NRL: variants seen among roughly 807,000 people sequenced by gnomAD.
NRL encodes the protein neural retina leucine zipper.
A neutral mutation model predicts 12.5 loss-of-function variants in NRL; 16 were observed. The ratio of observed to expected loss-of-function variants is 1.28; its 90% CI spans 0.87 to 1.95. The LOEUF is 1.95. NRL is among the 30% of genes most tolerant of loss of function. The pLI is 0.00. For synonymous variants in NRL, 142 were observed against 150.9 expected (o/e 0.94, Z 0.43); for missense variants, 314 against 325.8 (o/e 0.96, Z 0.28).
Position 24,081,276 on chromosome 14 carries a change from C to T in NRL, c.674G>A (p.Ser225Asn), listed in dbSNP as rs1208983854. ...GGAGGGGTCCCCGGACCCGGGGCCGCTCGAGGTTAGCCGGTCACAGCGAGC... is the reference window on the plus strand; with the variant it reads ...GGAGGGGTCCCCGGACCCGGGGCCGTTCGAGGTTAGCCGGTCACAGCGAGC... ...YKARCDRLTS[S>N]GPGSGDPSHL... Residue 225 changes from serine to asparagine, a missense_variant, in exon 3 of 3, where the codon AGC (serine) becomes AAC (asparagine). Physicochemically the swap from Ser to Asn is conservative, Grantham distance 46. Coordinates refer to ENST00000561028, the MANE Select transcript of NRL (RefSeq NM_001354768.3). This position sits in a 1 kb window ranked among gnomAD's most constrained non-coding sequence, Gnocchi z 4.4. 10 of 1,505,706 alleles carry T rather than the reference C, an allele frequency of 6.6e-6. No homozygotes were observed. The highest frequency in any genetic ancestry group is 8.9e-6 in the Non-Finnish European group (10 of 1,125,992). 93.3% of individuals were successfully genotyped at this position (1,505,706 alleles called of 1,614,324 possible). A position where few individuals can be genotyped will look rare whatever the true frequency, so the allele number is the denominator to read the frequency against.
chr14:24,094,464 G>A lies in NRL; in HGVS notation c.-27-11589C>T, dbSNP rs1173198410. 6.6e-7 allele frequency: 1 copy of A among 1,511,336 alleles called. No homozygotes were observed. Among genetic ancestry groups the A allele is most frequent in the South Asian group, 1.2e-5 (1 of 80,606 alleles). 93.6% of individuals were successfully genotyped at this position (1,511,336 alleles called of 1,614,324 possible). ...GTGACCCCCGGCCCGGGGCCCACCC[G>A]CACCTTCCGCTGCGCTCGCCCCCTC... On this transcript the variant is annotated intron_variant, in intron 1 of 2. Coordinates refer to ENST00000561028, the MANE Select transcript of NRL (RefSeq NM_001354768.3). This position sits in a 1 kb window ranked among gnomAD's most constrained non-coding sequence, Gnocchi z 4.1.
intron 1 of NRL, among the ~76,000 whole-genome samples, chr14:24,088,757 T>C (rs2036530877): frequency 6.6e-6 from 1 of 151,028 alleles, no homozygotes; most frequent in Non-Finnish European, 1.5e-5. Context: ...GTGATTCTCC[T>C]GGCTCAGCCT....
At position 24,082,602 on chromosome 14, in the gene NRL, C is replaced by G. The variant is rs1198995865; in HGVS notation, c.247G>C (p.Gly83Arg). Residue 83 changes from glycine (G) to arginine (R), a missense_variant, in exon 2 of 3, where the codon GGG (glycine) becomes CGG (arginine). Transcript: ENST00000561028. ...YWLATLQQQLGAGEALGLSPE... is the reference protein window; with the variant it reads ...YWLATLQQQLRAGEALGLSPE... ...CTCAGCCCCAATGCCTCCCCAGCCC[C>G]CAGCTGCTGCTGCAGGGTAGCCAGC... The G allele has an allele frequency of 6.2e-7, 1 of 1,613,888 alleles. No individual in the cohort carries two copies. The highest frequency in any genetic ancestry group is 8.5e-7 in the Non-Finnish European group (1 of 1,180,020).
Position 24,081,971 on chromosome 14 carries a change from C to T in NRL, c.382-403G>A, listed in dbSNP as rs892756532. On this transcript the variant is annotated intron_variant, in intron 2 of 2. Coordinates refer to ENST00000561028, the MANE Select transcript of NRL (RefSeq NM_001354768.3). The surrounding 1 kb of genome is among the most constrained non-coding windows in gnomAD (Gnocchi z 4.4). ...TGTCCTGAAGCCTGCAACCCGGTGA[C>T]CCTCACAGGATTTGGATTACATCCT... is the stretch of plus-strand genomic sequence containing the variant. 1 of 1,222,414 alleles carries T rather than the reference C, an allele frequency of 8.2e-7. No homozygotes were observed. The highest frequency in any genetic ancestry group is 2.2e-4 in the Middle Eastern group (1 of 4,496). 75.7% of individuals were successfully genotyped at this position (1,222,414 alleles called of 1,614,324 possible).
intron 1 of NRL, among the ~76,000 whole-genome samples, chr14:24,095,627 T>A (rs889455723): frequency 7.3e-5 from 11 of 151,220 alleles, no homozygotes; most frequent in African/African-American, 2.2e-4. Flanking sequence ...AAGCACGGGG[T>A]CACGTGGTCC....
At chr14:24,088,485 A>G (rs12885652) in intron 1 of NRL, among the ~76,000 whole-genome samples, 78,070 of 152,158 alleles carry the variant, frequency 0.51, 23,310 homozygotes, top group Non-Finnish European at 0.68. Flanking sequence ...CCAAAACTAC[A>G]TCCCCCTACA....
chr14:24,081,646 C>T lies in NRL; in HGVS notation c.382-78G>A, dbSNP rs2036309009. ...GCCCTGAGGGCCCGACGCTACCTGG[C>T]TCCGCCCCGGGACAGCCCCGCCCCG... On this transcript the variant is annotated intron_variant, in intron 2 of 2. Transcript: ENST00000561028. The surrounding 1 kb of genome is among the most constrained non-coding windows in gnomAD (Gnocchi z 4.4). The T allele has an allele frequency of 6.5e-7, 1 of 1,538,550 alleles. No homozygotes were observed. Among genetic ancestry groups the T allele is most frequent in the Non-Finnish European group, 8.8e-7 (1 of 1,142,050 alleles).
chr14:24,081,594 G>T lies in NRL; in HGVS notation c.382-26C>A, dbSNP rs750445329. The T allele has an allele frequency of 1.3e-5, 21 of 1,569,862 alleles. No homozygotes were observed. The highest frequency in any genetic ancestry group is 1.8e-5 in the Non-Finnish European group (21 of 1,159,114). On this transcript the variant is annotated intron_variant, in intron 2 of 2. Coordinates refer to ENST00000561028, the MANE Select transcript of NRL (RefSeq NM_001354768.3). The surrounding 1 kb of genome is among the most constrained non-coding windows in gnomAD (Gnocchi z 4.4). ...CTGCGGAGGGAGAATGCAGAAACCG[G>T]GTCAGCGCCAGGTCGCACCCGGCTC...
At chr14:24,089,061 C>T (rs1415230008) in intron 1 of NRL, among the ~76,000 whole-genome samples, 1 of 152,020 alleles carries the variant, frequency 6.6e-6, no homozygotes, top group Non-Finnish European at 1.5e-5. Context: ...GCCTCGGCCT[C>T]CCAAAGTGCT....
chr14:24,100,656 T>C, intron 1 of NRL: 3 of 885,954 alleles, frequency 3.4e-6, no homozygotes, highest in Non-Finnish European at 4.1e-6. Context: ...CCATAAAGTT[T>C]GGCCCATTAG....
At chr14:24,110,994 T>G (rs546712267) in intron 1 of NRL, among the ~76,000 whole-genome samples, 1 of 152,364 alleles carries the variant, frequency 6.6e-6, no homozygotes, top group Middle Eastern at 3.4e-3. Context: ...TTGTTGATTT[T>G]CTTTTAGAGA....
chr14:24,103,383 T>C lies in NRL; in HGVS notation c.-28+11339A>G, dbSNP rs918033770. The C allele has an allele frequency of 3.5e-6, 4 of 1,158,400 alleles. No homozygotes were observed. The Admixed American group carries it at 8.1e-5, about 23-fold the overall frequency. The allele number at this position is 1,158,400 out of a possible 1,614,324, so 71.8% of individuals were successfully genotyped here. On this transcript the variant is annotated intron_variant, in intron 1 of 2. Coordinates refer to ENST00000561028, the MANE Select transcript of NRL (RefSeq NM_001354768.3). ...ATGGCCCCACCTCTTCCCACTTCTATCTTTTCCCCATCCCTGAAGATATTC... is the reference window on the plus strand; with the variant it reads ...ATGGCCCCACCTCTTCCCACTTCTACCTTTTCCCCATCCCTGAAGATATTC...
intron 1 of NRL, among the ~76,000 whole-genome samples, chr14:24,097,645 T>C (rs1436735196): frequency 6.6e-6 from 1 of 150,396 alleles, no homozygotes; most frequent in Non-Finnish European, 1.5e-5. Flanking sequence ...TGGAGTGCAG[T>C]GGCATGATTT....
rs1406903033 is a variant in NRL at position 24,079,149 on chromosome 14, C to T, written c.*2087G>A. Among the ~76,000 whole-genome samples, 1 of 152,050 alleles carries T rather than the reference C, an allele frequency of 6.6e-6. No individual in the cohort carries two copies. Among genetic ancestry groups the T allele is most frequent in the Non-Finnish European group, 1.5e-5 (1 of 68,030 alleles). ...GTTTTTTTAAGTATACTCAGGTAAC[C>T]CAGGAGTATCATTTTGAGACCCAGG... On this transcript the variant is annotated 3_prime_UTR_variant, in exon 3 of 3. Coordinates refer to ENST00000561028, the MANE Select transcript of NRL (RefSeq NM_001354768.3).
chr14:24,087,914 T>A (rs1443558795), intron 1 of NRL, among the ~76,000 whole-genome samples: 1 of 151,916 alleles, frequency 6.6e-6, no homozygotes, highest in African/African-American at 2.4e-5. Context: ...CTGTCTCTAC[T>A]AAAAATACAA....
chr14:24,111,268 C>A (rs151038820), intron 1 of NRL, among the ~76,000 whole-genome samples: 2 of 152,238 alleles, frequency 1.3e-5, no homozygotes, highest in South Asian at 4.1e-4. Context: ...CGTAAGCCAC[C>A]GTGCCCAGCT....
chr14:24,102,680 G>T, intron 1 of NRL: 9 of 1,212,566 alleles, frequency 7.4e-6, no homozygotes, highest in Non-Finnish European at 9.5e-6. Context: ...CTGCAAGAAT[G>T]TGTGCCCATG....
Position 24,098,228 on chromosome 14 carries a change from GATGTGGC to G in NRL, c.-27-15360_-27-15354del. ...CTGGCTGGCCCGCACAGACCCCAAGGATGTGGCACGAGTAGAGAGCAAGACGGTGATT... is the reference window on the plus strand; with the variant it reads ...CTGGCTGGCCCGCACAGACCCCAAGGACGAGTAGAGAGCAAGACGGTGATT... On this transcript the variant is annotated intron_variant, in intron 1 of 2. Coordinates refer to ENST00000561028, the MANE Select transcript of NRL (RefSeq NM_001354768.3). 2 of 1,612,986 alleles carry G rather than the reference GATGTGGC, an allele frequency of 1.2e-6. No individual in the cohort carries two copies. The highest frequency in any genetic ancestry group is 1.3e-5 in the African/African-American group (1 of 75,018).
chr14:24,100,353 C>A, intron 1 of NRL: 1 of 1,465,586 alleles, frequency 6.8e-7, no homozygotes, highest in East Asian at 2.4e-5. Context: ...TTTCCAGTCC[C>A]AGGCAAAATC....
Sources: gnomAD v4.1 joint callset for allele counts (sites outside exome capture counted in the v4.1 genomes callset) on GRCh38, gnomAD v4.1.1 for gene constraint, Gnocchi (gnomAD v3.1) non-coding constraint, MANE v1.5 for transcripts, NCBI Gene and HGNC (gene_info 2026-07-23, HGNC 2026-07-21) for gene names.